Variants in TUB observed in about 807,000 individuals in gnomAD.
TUB encodes the protein tubby protein homolog.
Under a neutral mutation model 59.7 loss-of-function variants are expected in TUB, and 33 were observed. That is an observed-to-expected ratio of 0.55 (90% CI 0.42 to 0.74). The LOEUF (loss-of-function observed/expected upper bound fraction) is 0.74. Ranked by LOEUF, TUB falls within the 30% of genes least tolerant of loss-of-function variation. TUB has a pLI of 0.00. For synonymous variants in TUB, 293 were observed against 256.4 expected (o/e 1.14, Z -1.36); for missense variants, 659 against 672.0 (o/e 0.98, Z 0.21).
intron 2 of TUB, among the ~76,000 whole-genome samples, chr11:8,049,064 T>C (rs893909727): frequency 6.6e-5 from 10 of 152,218 alleles, no homozygotes; most frequent in Admixed American, 4.6e-4. Context: ...CCCAAGTCTA[T>C]TTGACTCCAT....
chr11:8,096,611 A>ATG lies in TUB; in HGVS notation c.566-71_566-70dup, dbSNP rs1218522346. 9 of 982,526 alleles carry ATG rather than the reference A, an allele frequency of 9.2e-6. No homozygotes were observed. The African/African-American group carries it at 1.3e-4, about 14-fold the overall frequency. 60.9% of individuals were successfully genotyped at this position (982,526 alleles called of 1,614,324 possible). The stretch of plus-strand genomic sequence containing the variant: ...GGTGAGTCAGTGTCTGAACATGAGT[A>ATG]TGTGACCATGTGTATTTCAGGGGCA... On this transcript the variant is annotated intron_variant, in intron 5 of 11. Transcript: ENST00000299506.
At chr11:8,053,903 C>G (rs1942973735) in intron 2 of TUB, among the ~76,000 whole-genome samples, 2 of 151,236 alleles carry the variant, frequency 1.3e-5, no homozygotes, top group South Asian at 4.2e-4. Flanking sequence ...ATCAAGAGGT[C>G]AGGAGATCGA....
At chr11:8,044,455 G>A (rs914424993) in intron 2 of TUB, among the ~76,000 whole-genome samples, 1 of 152,086 alleles carries the variant, frequency 6.6e-6, no homozygotes, top group African/African-American at 2.4e-5. Flanking sequence ...TTTACGTGGA[G>A]TGAGTTTATC....
In TUB at chr11:8,101,840, GA is replaced by G; in HGVS notation, c.*223del. 1 of 476,120 alleles carries G rather than the reference GA, an allele frequency of 2.1e-6. No homozygotes were observed. The highest frequency in any genetic ancestry group is 3.2e-6 in the Non-Finnish European group (1 of 313,498). The allele number at this position is 476,120 out of a possible 1,614,324, so 29.5% of individuals were successfully genotyped here. ...CGGGTGGGTGGGTGTGAAGGGATGA[GA>G]ATAATTCTTTCCATGCCACGAGATC... On this transcript the variant is annotated 3_prime_UTR_variant, in exon 12 of 12. Coordinates refer to ENST00000299506, the MANE Select transcript of TUB (RefSeq NM_177972.3).
chr11:8,055,991 G>A (rs1457993758), intron 2 of TUB, among the ~76,000 whole-genome samples: 1 of 152,224 alleles, frequency 6.6e-6, no homozygotes, highest in Non-Finnish European at 1.5e-5. Flanking sequence ...ACAGGGCATG[G>A]GAGGAGCTTC....
chr11:8,076,663 A>T (rs1343408350), upstream of TUB: 1 of 152,248 alleles, frequency 6.6e-6, no homozygotes, highest in Non-Finnish European at 1.5e-5. Context: ...GGCATAGAGC[A>T]TGCACTCAAC....
At chr11:8,078,826 G>C (rs1183297508), upstream of TUB, among the ~76,000 whole-genome samples, 1 of 151,446 alleles carries the variant, frequency 6.6e-6, no homozygotes, top group Admixed American at 6.6e-5. Flanking sequence ...CCAGTGTATG[G>C]GACTCACACA....
At chr11:8,075,437 T>C (rs1225573014) in intron 2 of TUB, 1 of 152,216 alleles carries the variant, frequency 6.6e-6, no homozygotes, top group East Asian at 1.9e-4. Flanking sequence ...ATTTGTAAAA[T>C]GGGGATTATA....
At chr11:8,050,299 T>C (rs1942912850) in intron 2 of TUB, among the ~76,000 whole-genome samples, 1 of 152,248 alleles carries the variant, frequency 6.6e-6, no homozygotes, top group Non-Finnish European at 1.5e-5. Flanking sequence ...TAAGCATTCT[T>C]GTACATATCT....
Position 8,094,225 on chromosome 11 carries a change from C to T in TUB, c.397+36C>T, listed in dbSNP as rs1298063427. The T allele has an allele frequency of 3.8e-6, 6 of 1,576,208 alleles. No individual in the cohort carries two copies. The South Asian group carries it at 7.1e-5, about 19-fold the overall frequency. On this transcript the variant is annotated intron_variant, in intron 4 of 11. Coordinates refer to ENST00000299506, the MANE Select transcript of TUB (RefSeq NM_177972.3). ...ATTCTCTACAGCCCTCCCCAGCAGG[C>T]CTGGCCTCCACTGTAGGGCTGGGGA... is the stretch of plus-strand genomic sequence containing the variant.
At chr11:8,051,336 A>C (rs114059732) in intron 2 of TUB, among the ~76,000 whole-genome samples, 1,925 of 152,284 alleles carry the variant, frequency 0.013, 32 homozygotes, top group African/African-American at 0.04. Context: ...TATTATCGGG[A>C]AAATACTGTT....
At chr11:8,065,169 C>T (rs1943213843) in intron 2 of TUB, among the ~76,000 whole-genome samples, 1 of 152,230 alleles carries the variant, frequency 6.6e-6, no homozygotes, top group African/African-American at 2.4e-5. Flanking sequence ...AAGCCAGGAT[C>T]ATGACCATCA....
intron 3 of TUB, among the ~76,000 whole-genome samples, chr11:8,091,684 C>T (rs984134795): frequency 6.6e-6 from 1 of 152,144 alleles, no homozygotes; most frequent in Admixed American, 6.5e-5. Flanking sequence ...TATGCCTGTA[C>T]TCTACTTGAG....
rs1277459957 is a variant in TUB at position 8,100,602 on chromosome 11, G to GTT, written c.1215+2_1215+3insTT. 6.2e-7 allele frequency: 1 copy of GTT among 1,613,336 alleles called. No homozygotes were observed. Among genetic ancestry groups the GTT allele is most frequent in the Non-Finnish European group, 8.5e-7 (1 of 1,179,542 alleles). On this transcript the variant is annotated splice_donor_variant, in intron 10 of 11. Transcript: ENST00000299506. LOFTEE classifies it high-confidence loss of function. ...GAGAGTCTCTATCCGCCCCCGCAAC[G>GTT]TGAGTGTCTACCCCTTCCTCCCCTC...
chr11:8,102,196 TG>T lies in TUB; in HGVS notation c.*581del, dbSNP rs1293474168. ...AGCCTGAGAGAAGTTGGGAGGGTGG[TG>T]GGGACAGGTAAGTGGCAGGACCCTG... On this transcript the variant is annotated 3_prime_UTR_variant, in exon 12 of 12. Transcript: ENST00000299506. 6.6e-6 allele frequency: 1 copy of T among 152,510 alleles called. No individual in the cohort carries two copies. Among genetic ancestry groups the T allele is most frequent in the African/African-American group, 2.4e-5 (1 of 41,434 alleles). 9.4% of individuals were successfully genotyped at this position (152,510 alleles called of 1,614,324 possible). A position where few individuals can be genotyped will look rare whatever the true frequency, so the allele number is the denominator to read the frequency against.
chr11:8,061,536 G>A (rs1383011263), intron 2 of TUB, among the ~76,000 whole-genome samples: 4 of 152,142 alleles, frequency 2.6e-5, no homozygotes, highest in Middle Eastern at 3.2e-3. Context: ...AGTTGGGGAG[G>A]GGCAGCTTTG....
chr11:8,075,584 T>C (rs2133803582), intron 2 of TUB: 1 of 152,372 alleles, frequency 6.6e-6, no homozygotes, highest in South Asian at 2.1e-4. Context: ...CACAGTCTCT[T>C]TAAATTTATT....
chr11:8,044,291 T>A (rs1589929566), intron 2 of TUB, among the ~76,000 whole-genome samples: 1 of 152,368 alleles, frequency 6.6e-6, no homozygotes, highest in Non-Finnish European at 1.5e-5. Flanking sequence ...TACCTATGCC[T>A]TTGAATTTAC....
intron 1 of TUB, among the ~76,000 whole-genome samples, chr11:8,030,167 A>T (rs10743048): frequency 6.6e-6 from 1 of 152,150 alleles, no homozygotes; most frequent in African/African-American, 2.4e-5. Flanking sequence ...GAAGTTTGAC[A>T]TCATCAGGCA....
Sources: gnomAD v4.1 joint callset for allele counts (sites outside exome capture counted in the v4.1 genomes callset) on GRCh38, gnomAD v4.1.1 for gene constraint, MANE v1.5 for transcripts, NCBI Gene and HGNC (gene_info 2026-07-23, HGNC 2026-07-21) for gene names.